The following TENM3 variants were observed in gnomAD, a reference collection of about 807,000 sequenced individuals.
TENM3 encodes the protein teneurin-3.
Under a neutral mutation model 255.1 loss-of-function variants are expected in TENM3, and 63 were observed. The observed-to-expected ratio is 0.25, with a 90% CI of 0.20 to 0.30. The LOEUF (loss-of-function observed/expected upper bound fraction) is 0.30. TENM3 is among the 10% of genes least tolerant of loss of function. TENM3 has a pLI of 1.00. For missense variants in TENM3, 2,929 were observed against 3,461.1 expected, an observed-to-expected ratio of 0.85 and a Z score of 3.86; for synonymous variants, 1,306 against 1,322.3, an observed-to-expected ratio of 0.99 and a Z score of 0.27.
Position 182,450,944 on chromosome 4 carries a change from A to G in TENM3, c.511+104015A>G, listed in dbSNP as rs968615827. Reference sequence around the variant, plus strand: ...AGAAAGGCGCATTCCAAATGTTTTTAATGACTAGTTTCTTAACCTGTTGTA... The same window carrying G: ...AGAAAGGCGCATTCCAAATGTTTTTGATGACTAGTTTCTTAACCTGTTGTA... On this transcript the variant is annotated intron_variant, in intron 3 of 27. Transcript: ENST00000511685. Among the ~76,000 whole-genome samples, 43 of 152,228 alleles carry G rather than the reference A, an allele frequency of 2.8e-4. 1 individual carries two copies. Among genetic ancestry groups the G allele is most frequent in the Admixed American group, 2.8e-3 (43 of 15,284 alleles).
intron 1 of TENM3, among the ~76,000 whole-genome samples, chr4:182,167,662 C>A (rs1391686918): frequency 6.6e-6 from 1 of 152,072 alleles, no homozygotes; most frequent in Non-Finnish European, 1.5e-5. Flanking sequence ...TGCTAGAGCC[C>A]AGAAATTTGA....
chr4:182,195,375 G>A (rs1286240880), intron 1 of TENM3, among the ~76,000 whole-genome samples: 1 of 152,048 alleles, frequency 6.6e-6, no homozygotes, highest in African/African-American at 2.4e-5. Flanking sequence ...TCTTGAGGCT[G>A]GGCCTGTAAT....
At chr4:181,473,452 G>T in the TENM3 span, among the ~76,000 whole-genome samples, 2 of 151,846 alleles carry the variant, frequency 1.3e-5, no homozygotes, top group African/African-American at 4.8e-5. Context: ...ATTAGCTGGG[G>T]GTGGCGACAC....
chr4:182,213,970 T>G (rs1245648364), intron 1 of TENM3, among the ~76,000 whole-genome samples: 1 of 152,010 alleles, frequency 6.6e-6, no homozygotes, highest in Non-Finnish European at 1.5e-5. Flanking sequence ...CCTGGCTAAT[T>G]TTTTTGTGTT....
At chr4:182,764,349 T>C (rs960133205) in intron 22 of TENM3, among the ~76,000 whole-genome samples, 24 of 152,214 alleles carry the variant, frequency 1.6e-4, no homozygotes, top group African/African-American at 5.5e-4. Flanking sequence ...GATGCAGAGC[T>C]AGATGACACA....
rs1766215123 is a variant in TENM3, at chr4:182,792,895, A to G, written c.6223A>G (p.Met2075Val). The G allele has an allele frequency of 1.2e-6, 2 of 1,613,816 alleles. No homozygotes were observed. The highest frequency in any genetic ancestry group is 8.5e-7 in the Non-Finnish European group (1 of 1,179,882). The change falls in exon 26 of 28, where the codon ATG becomes GTG. Residue 2075 changes from methionine (M) to valine (V), a missense_variant. Physicochemically the swap from Met to Val is conservative, Grantham distance 21. Around this residue, in one of 6 missense-constraint regions of TENM3, gnomAD observed 256 missense variants for 389.3 expected, o/e 0.66. Transcript: ENST00000511685. The surrounding 1 kb of genome is among the most constrained non-coding windows in gnomAD (Gnocchi z 6.3). ...TAACCAGATCATTTCTACAGCTGTA[A>G]TGACCTATACGAAGCACTTTGATGC... ...DINQIISTAVMTYTKHFDAHG... is the reference protein window; with the variant it reads ...DINQIISTAVVTYTKHFDAHG...
chr4:182,230,812 CTATATATATATATATATATA>C lies in TENM3; in HGVS notation c.-76+86084_-76+86103del, dbSNP rs55642239. ...GCTATATTAAATACAGTTTCTCAAACTATATATATATATATATATATATATATATATATATATATATATAT... is the reference window on the plus strand; with the variant it reads ...GCTATATTAAATACAGTTTCTCAAACTATATATATATATATATATATATAT... On this transcript the variant is annotated intron_variant, in intron 1 of 2. Transcript: ENST00000512480. Among the ~76,000 whole-genome samples the C allele has an allele frequency of 0.011, 622 of 58,072 alleles. 48 individuals are homozygous for C. The East Asian group carries it at 0.33, about 31-fold the overall frequency. The allele number at this position is 58,072 out of a possible 152,430, so 38.1% of individuals were successfully genotyped here.
At chr4:182,725,745 C>A (rs1760117145) in intron 13 of TENM3, among the ~76,000 whole-genome samples, 1 of 151,288 alleles carries the variant, frequency 6.6e-6, no homozygotes, top group Non-Finnish European at 1.5e-5. Flanking sequence ...AAGCAATTCT[C>A]CTGCCTCAGC....
At chr4:182,191,838 A>G (rs1182901120) in intron 1 of TENM3, among the ~76,000 whole-genome samples, 1 of 152,184 alleles carries the variant, frequency 6.6e-6, no homozygotes, top group African/African-American at 2.4e-5. Context: ...TCGTAACTGC[A>G]TTTTAGATCA....
At chr4:182,344,293 G>A (rs1764663725) in intron 2 of TENM3, among the ~76,000 whole-genome samples, 2 of 152,078 alleles carry the variant, frequency 1.3e-5, no homozygotes, top group African/African-American at 2.4e-5. Flanking sequence ...AATTCAGTAA[G>A]GAAATCTAAC....
intron 3 of TENM3, among the ~76,000 whole-genome samples, chr4:182,527,038 T>C (rs976150110): frequency 6.6e-6 from 1 of 152,090 alleles, no homozygotes; most frequent in Non-Finnish European, 1.5e-5. Flanking sequence ...ATCTGACAAA[T>C]GAAATGTGGA....
intron 2 of TENM3, among the ~76,000 whole-genome samples, chr4:182,346,005 A>T (rs560819386): frequency 6.6e-6 from 1 of 152,168 alleles, no homozygotes; most frequent in Non-Finnish European, 1.5e-5. Flanking sequence ...TATGCAGCAA[A>T]TTTTTTAGAC....
At chr4:182,192,251 C>T (rs980214239) in intron 1 of TENM3, among the ~76,000 whole-genome samples, 1 of 152,164 alleles carries the variant, frequency 6.6e-6, no homozygotes, top group African/African-American at 2.4e-5. Context: ...ACCGAGGGTC[C>T]ACAAAGCGTA....
chr4:182,247,292 T>C (rs990636195), intron 1 of TENM3, among the ~76,000 whole-genome samples: 1 of 152,078 alleles, frequency 6.6e-6, no homozygotes, highest in East Asian at 1.9e-4. Context: ...CAGTCGGAAC[T>C]GGGGGTTGGT....
intron 3 of TENM3, among the ~76,000 whole-genome samples, chr4:182,369,554 C>G (rs1310337790): frequency 1.3e-5 from 2 of 152,134 alleles, no homozygotes; most frequent in Non-Finnish European, 2.9e-5. Flanking sequence ...AATTCATTTC[C>G]TACTTTTTAG....
the TENM3 span, among the ~76,000 whole-genome samples, chr4:182,053,637 G>A: frequency 2.0e-5 from 3 of 152,192 alleles, no homozygotes; most frequent in Non-Finnish European, 2.9e-5. Context: ...AGCCCCTCAA[G>A]TGGGGAGGTT....
At chr4:181,803,876 A>G in the TENM3 span, among the ~76,000 whole-genome samples, 1 of 149,492 alleles carries the variant, frequency 6.7e-6, no homozygotes, top group Non-Finnish European at 1.5e-5. Flanking sequence ...TCAGCGCTGC[A>G]GTGAGCTATT....
intron 3 of TENM3, among the ~76,000 whole-genome samples, chr4:182,377,367 G>T (rs1767248004): frequency 6.6e-6 from 1 of 152,094 alleles, no homozygotes; most frequent in Admixed American, 6.5e-5. Flanking sequence ...AGGCTGGAAT[G>T]CAGTAGCTCA....
At chr4:182,554,250 G>C (rs1742365540) in intron 3 of TENM3, among the ~76,000 whole-genome samples, 1 of 152,058 alleles carries the variant, frequency 6.6e-6, no homozygotes, top group African/African-American at 2.4e-5. Flanking sequence ...CAATGCCAAA[G>C]CTCTATTTGT....
Sources: gnomAD v4.1 joint callset for allele counts (sites outside exome capture counted in the v4.1 genomes callset) on GRCh38, gnomAD v4.1.1 for gene constraint, gnomAD v4.1.1 regional missense constraint, Gnocchi (gnomAD v3.1) non-coding constraint, MANE v1.5 for transcripts, NCBI Gene and HGNC (gene_info 2026-07-23, HGNC 2026-07-21) for gene names.